Variants in AHCY observed in about 807,000 individuals in gnomAD.
AHCY encodes the protein adenosylhomocysteinase.
AHCY carries 24 observed loss-of-function variants against 45.4 expected under a neutral mutation model. The observed-to-expected ratio is 0.53, with a 90% CI of 0.38 to 0.74. The LOEUF (loss-of-function observed/expected upper bound fraction) is 0.74, where lower values mean the gene tolerates loss of function less well. AHCY is among the 30% of genes least tolerant of loss of function. The pLI is 0.00. For synonymous variants in AHCY, 245 were observed against 235.1 expected (o/e 1.04, Z -0.39); for missense variants, 449 against 594.1 (o/e 0.76, Z 2.54).
Position 34,291,420 on chromosome 20 carries a change from T to G in AHCY, c.557A>C (p.Lys186Thr), listed in dbSNP as rs1369631878. The change falls in exon 5 of 10, where the codon AAG (lysine) becomes ACG (threonine). Residue 186 changes from lysine to threonine, a missense_variant and splice_region_variant. Coordinates refer to ENST00000217426, the MANE Select transcript of AHCY (RefSeq NM_000687.4). ...AGCTGTCACTGCCCCTCGGCTCACCTTGGTGACGGAGTCATTGACATTGAT... is the reference window on the plus strand; with the variant it reads ...AGCTGTCACTGCCCCTCGGCTCACCGTGGTGACGGAGTCATTGACATTGAT... ...PAINVNDSVT[K>T]SKFDNLYGCR... 6 of 1,613,564 alleles carry G rather than the reference T, an allele frequency of 3.7e-6. No individual in the cohort carries two copies. The highest frequency in any genetic ancestry group is 5.1e-6 in the Non-Finnish European group (6 of 1,179,718).
chr20:34,258,133 G>A, the AHCY span, among the ~76,000 whole-genome samples: 2 of 151,176 alleles, frequency 1.3e-5, no homozygotes, highest in South Asian at 2.1e-4. Context: ...AACAGAGTGA[G>A]ATTCCATCTT....
At chr20:34,241,362 A>C in the AHCY span, 2 of 773,348 alleles carry the variant, frequency 2.6e-6, no homozygotes, top group Non-Finnish European at 3.1e-6. Context: ...AGTTTGAAAT[A>C]ATTTTGTAGT....
At chr20:34,260,520 C>T in the AHCY span, 2 of 1,612,870 alleles carry the variant, frequency 1.2e-6, no homozygotes, top group Non-Finnish European at 1.7e-6. Flanking sequence ...GATGTCCCTT[C>T]TGTCTCTATT....
chr20:34,301,874 C>T, intron 1 of AHCY: 1 of 985,478 alleles, frequency 1.0e-6, no homozygotes, highest in Non-Finnish European at 1.2e-6. Flanking sequence ...CAGTTTCATG[C>T]TCTATATAAC....
At chr20:34,246,879 C>G in the AHCY span, among the ~76,000 whole-genome samples, 1 of 152,056 alleles carries the variant, frequency 6.6e-6, no homozygotes, top group Non-Finnish European at 1.5e-5. Flanking sequence ...CTCTCCTTTC[C>G]TTTTCTGCCT....
chr20:34,235,638 G>T, the AHCY span, among the ~76,000 whole-genome samples: 1 of 151,712 alleles, frequency 6.6e-6, no homozygotes, highest in Non-Finnish European at 1.5e-5. Context: ...GAAAAGTCTG[G>T]CTGGGCATGG....
At chr20:34,260,623 C>A in the AHCY span, 2 of 1,365,474 alleles carry the variant, frequency 1.5e-6, no homozygotes, top group Non-Finnish European at 2.0e-6. Context: ...GATCCACCGC[C>A]ATGGTCACGG....
At chr20:34,263,509 G>A in the AHCY span, among the ~76,000 whole-genome samples, 1 of 152,046 alleles carries the variant, frequency 6.6e-6, no homozygotes, top group East Asian at 1.9e-4. Flanking sequence ...AGGTTGCAGT[G>A]AGCTTGAGCC....
chr20:34,275,675 T>C (rs954911745), downstream of AHCY, among the ~76,000 whole-genome samples: 3 of 146,784 alleles, frequency 2.0e-5, no homozygotes, highest in African/African-American at 5.5e-5. Context: ...GTTGGCTTTA[T>C]ATCTTTCTTT....
Position 34,290,494 on chromosome 20 carries a change from G to A in AHCY, c.855-45C>T, listed in dbSNP as rs1197881447. 1 of 1,612,138 alleles carries A rather than the reference G, an allele frequency of 6.2e-7. No individual in the cohort carries two copies. ...CGTGGGAGATTGTCAGGGACAGAAAGCTGTCCCAACTCTGCCCTCCTCCCT... is the reference window on the plus strand; with the variant it reads ...CGTGGGAGATTGTCAGGGACAGAAAACTGTCCCAACTCTGCCCTCCTCCCT... On this transcript the variant is annotated intron_variant, in intron 7 of 9. Coordinates refer to ENST00000217426, the MANE Select transcript of AHCY (RefSeq NM_000687.4). This position sits in a 1 kb window ranked among gnomAD's most constrained non-coding sequence, Gnocchi z 4.5.
the AHCY span, among the ~76,000 whole-genome samples, chr20:34,261,238 C>T: frequency 2.0e-5 from 3 of 152,200 alleles, no homozygotes; most frequent in Admixed American, 6.5e-5. Context: ...TGGCTCACAC[C>T]TGTAATCCCA....
intron 1 of AHCY, chr20:34,302,723 AC>A: frequency 5.1e-6 from 5 of 988,568 alleles, no homozygotes; most frequent in Non-Finnish European, 6.0e-6. Flanking sequence ...AGGTTGGGTA[AC>A]TGGCCCAAAG....
At chr20:34,305,042 C>A (rs905846327), upstream of AHCY, among the ~76,000 whole-genome samples, 3 of 148,834 alleles carry the variant, frequency 2.0e-5, no homozygotes, top group African/African-American at 7.4e-5. Flanking sequence ...TCTGGCCGGG[C>A]GCGTGGCTCA....
At chr20:34,303,376 C>G, upstream of AHCY, 1 of 1,484,016 alleles carries the variant, frequency 6.7e-7, no homozygotes, top group Non-Finnish European at 9.2e-7. Context: ...GGCGCCGACG[C>G]CTTTAAATAT....
the AHCY span, among the ~76,000 whole-genome samples, chr20:34,235,566 A>G: frequency 6.6e-6 from 1 of 152,122 alleles, no homozygotes; most frequent in African/African-American, 2.4e-5. Flanking sequence ...CAACAGAAGT[A>G]TATCTTTCTT....
upstream of AHCY, among the ~76,000 whole-genome samples, chr20:34,305,899 T>C (rs950384235): frequency 1.7e-4 from 26 of 151,950 alleles, no homozygotes; most frequent in African/African-American, 5.3e-4. Flanking sequence ...CTGGCCAACA[T>C]AGTGAAACCC....
At chr20:34,235,931 C>A in the AHCY span, among the ~76,000 whole-genome samples, 28 of 49,282 alleles carry the variant, frequency 5.7e-4, no homozygotes, top group African/African-American at 3.0e-3. Context: ...AGGAAGGAAG[C>A]GGGAGGGAGG....
chr20:34,278,304 G>A (rs1601629369), downstream of AHCY, among the ~76,000 whole-genome samples: 1 of 152,286 alleles, frequency 6.6e-6, no homozygotes, highest in East Asian at 1.9e-4. Context: ...CAGAACTCCT[G>A]GAAGAAGGGA....
chr20:34,235,864 GGAAAGGAA>G, the AHCY span, among the ~76,000 whole-genome samples: 9 of 37,216 alleles, frequency 2.4e-4, no homozygotes, highest in African/African-American at 1.8e-3. Context: ...AAGGAAGGAA[GGAAAGGAA>G]GGAAGGAAGG....
Sources: gnomAD v4.1 joint callset for allele counts (sites outside exome capture counted in the v4.1 genomes callset) on GRCh38, gnomAD v4.1.1 for gene constraint, Gnocchi (gnomAD v3.1) non-coding constraint, MANE v1.5 for transcripts, NCBI Gene and HGNC (gene_info 2026-07-23, HGNC 2026-07-21) for gene names.